Variants in SPAG9 observed in about 807,000 individuals in gnomAD.
The protein encoded by SPAG9 is sperm associated antigen 9.
Under a neutral mutation model 166.5 loss-of-function variants are expected in SPAG9, and 35 were observed. That is an observed-to-expected ratio of 0.21 (90% CI 0.16 to 0.28). The LOEUF (loss-of-function observed/expected upper bound fraction) is 0.28, where lower values mean the gene tolerates loss of function less well. SPAG9 is among the 10% of genes least tolerant of loss of function. SPAG9 has a pLI of 1.00. For synonymous variants in SPAG9, 534 were observed against 565.5 expected, an observed-to-expected ratio of 0.94 and a Z score of 0.79; for missense variants, 1,235 against 1,603.3, an observed-to-expected ratio of 0.77 and a Z score of 3.92.
At chr17:50,985,056 G>A in intron 23 of SPAG9, 66 bp from the exon 24 acceptor site, 3 of 1,438,758 alleles carry the variant, frequency 2.1e-6, no homozygotes, top group Non-Finnish European at 2.9e-6. Flanking sequence ...ACATGCTACT[G>A]AACTAGTTCA....
At chr17:51,104,119 A>C (rs2048876771) in intron 1 of SPAG9, among the ~76,000 whole-genome samples, 1 of 152,182 alleles carries the variant, frequency 6.6e-6, no homozygotes, top group African/African-American at 2.4e-5. Flanking sequence ...TCCTTCATGA[A>C]GATAGGGAAG....
intron 11 of SPAG9, 78 bp from the exon 12 acceptor site, chr17:51,005,341 ATT>A: frequency 7.7e-7 from 1 of 1,304,730 alleles, no homozygotes; most frequent in Non-Finnish European, 1.1e-6. Context: ...TAGGTCAACA[ATT>A]TTAACTACCA....
chr17:51,116,205 C>A (rs2049283761), intron 1 of SPAG9, among the ~76,000 whole-genome samples: 1 of 152,090 alleles, frequency 6.6e-6, no homozygotes, highest in Non-Finnish European at 1.5e-5. Context: ...ACCACCACAC[C>A]CAGATAATTT....
At chr17:50,972,124 G>A (rs1355708481) in intron 28 of SPAG9, among the ~76,000 whole-genome samples, 2 of 152,134 alleles carry the variant, frequency 1.3e-5, no homozygotes, top group East Asian at 3.8e-4. Context: ...TCAAACTCCT[G>A]GGCTCAAGTG....
chr17:51,008,193 G>A (rs1215700178), intron 9 of SPAG9, among the ~76,000 whole-genome samples: 1 of 152,168 alleles, frequency 6.6e-6, no homozygotes, highest in Non-Finnish European at 1.5e-5. Context: ...TCACTTGAGT[G>A]AATGTCTTTG....
chr17:51,005,767 C>A (rs2045189111), intron 11 of SPAG9, among the ~76,000 whole-genome samples: 1 of 152,224 alleles, frequency 6.6e-6, no homozygotes, highest in Admixed American at 6.5e-5. Flanking sequence ...AAGAGAATCG[C>A]TTGAACTCGG....
chr17:51,025,316 CAAAAAAAAAAAAAAAAAAA>C, intron 6 of SPAG9, among the ~76,000 whole-genome samples: 1 of 61,126 alleles, frequency 1.6e-5, no homozygotes, highest in Middle Eastern at 0.014. Context: ...GACTCTGTCT[CAAAAAAAAAAAAAAAAAAA>C]AAAAAAAAAA....
chr17:51,033,673 T>A (rs1234535926), intron 5 of SPAG9, among the ~76,000 whole-genome samples: 1 of 152,214 alleles, frequency 6.6e-6, no homozygotes, highest in Non-Finnish European at 1.5e-5. Flanking sequence ...AATAACTTTT[T>A]AAAAGAAATT....
chr17:51,006,351 A>G, intron 10 of SPAG9, 114 bp from the exon 11 acceptor site: 1 of 972,770 alleles, frequency 1.0e-6, no homozygotes, highest in East Asian at 2.5e-5. Flanking sequence ...TTAATACTTC[A>G]AGACATTCTA....
chr17:51,077,757 C>T (rs562947140), intron 2 of SPAG9, among the ~76,000 whole-genome samples: 14 of 152,050 alleles, frequency 9.2e-5, no homozygotes, highest in Non-Finnish European at 1.5e-4. Flanking sequence ...CTCAAGTGAT[C>T]CTCCCACCTC....
intron 6 of SPAG9, among the ~76,000 whole-genome samples, chr17:51,026,895 C>G (rs192255021): frequency 6.6e-6 from 1 of 151,848 alleles, no homozygotes; most frequent in Non-Finnish European, 1.5e-5. Flanking sequence ...AGGCTGGTCT[C>G]GAACTCCTGA....
chr17:51,119,181 T>C lies in SPAG9; in HGVS notation c.303+1173A>G, dbSNP rs893014777. On this transcript the variant is annotated intron_variant, in intron 1 of 29. Transcript: ENST00000262013. ...AGAACTATTTAACCAGATGCAAAGG[T>C]ATACGTGACAAAATAAAACAAAAAT... Among the ~76,000 whole-genome samples, 10 of 152,190 alleles carry C rather than the reference T, an allele frequency of 6.6e-5. No homozygotes were observed. In the South Asian group the frequency reaches 1.2e-3, roughly 19 times the overall value.
intron 2 of SPAG9, among the ~76,000 whole-genome samples, chr17:51,073,949 A>G (rs1402322098): frequency 6.8e-6 from 1 of 147,758 alleles, no homozygotes; most frequent in Non-Finnish European, 1.5e-5. Flanking sequence ...AAAAATACAA[A>G]AATTAGGCCG....
intron 1 of SPAG9, among the ~76,000 whole-genome samples, chr17:51,081,697 A>G (rs2048168924): frequency 6.6e-6 from 1 of 151,874 alleles, no homozygotes; most frequent in African/African-American, 2.4e-5. Flanking sequence ...AGCTGAGATC[A>G]CGCCATTGCA....
chr17:51,116,858 G>A (rs2049301983), intron 1 of SPAG9, among the ~76,000 whole-genome samples: 1 of 152,188 alleles, frequency 6.6e-6, no homozygotes, highest in Admixed American at 6.5e-5. Flanking sequence ...TGTTCTGGCT[G>A]AAAAAGTGAA....
rs866547433 is a variant in SPAG9 at position 51,083,266 on chromosome 17, G to A, written c.304-3562C>T. Reference sequence around the variant, plus strand: ...TTTTTCTTTTTTGAGACTGAGTTTCGCTGTGTCCCCCAGGCTGGAGTGCGC... The same window carrying A: ...TTTTTCTTTTTTGAGACTGAGTTTCACTGTGTCCCCCAGGCTGGAGTGCGC... On this transcript the variant is annotated intron_variant, in intron 1 of 29. Transcript: ENST00000262013. Among the ~76,000 whole-genome samples the A allele has an allele frequency of 6.4e-5, 9 of 141,150 alleles. No individual in the cohort carries two copies. In the South Asian group the frequency reaches 6.6e-4, roughly 10 times the overall value. 92.6% of individuals were successfully genotyped at this position (141,150 alleles called of 152,430 possible).
Position 51,120,710 on chromosome 17 carries a change from C to T in SPAG9, c.-54G>A. ...GGGCGTCGCCGGCAGAGGGGCGGCACCTGCCCGCACGGGACGGACCCGACT... is the reference window on the plus strand; with the variant it reads ...GGGCGTCGCCGGCAGAGGGGCGGCATCTGCCCGCACGGGACGGACCCGACT... On this transcript the variant is annotated 5_prime_UTR_variant, in exon 1 of 30. In the 5' UTR this introduces an upstream ATG that the reference lacks. Transcript: ENST00000262013. This position sits in a 1 kb window ranked among gnomAD's most constrained non-coding sequence, Gnocchi z 4.7. 6.8e-7 allele frequency: 1 copy of T among 1,464,690 alleles called. No individual in the cohort carries two copies. The highest frequency in any genetic ancestry group is 1.3e-5 in the South Asian group (1 of 77,340). 90.7% of individuals were successfully genotyped at this position (1,464,690 alleles called of 1,614,324 possible).
chr17:51,000,742 T>A (rs1039808738), intron 13 of SPAG9, among the ~76,000 whole-genome samples: 1 of 120,096 alleles, frequency 8.3e-6, no homozygotes. Flanking sequence ...AGACTCCATC[T>A]CAATAAATGA....
chr17:51,039,863 T>C (rs2046762399), intron 5 of SPAG9, among the ~76,000 whole-genome samples: 1 of 152,006 alleles, frequency 6.6e-6, no homozygotes, highest in African/African-American at 2.4e-5. Flanking sequence ...AAGTAGGCAA[T>C]TGAGAGATGA....
Sources: gnomAD v4.1 joint callset for allele counts (sites outside exome capture counted in the v4.1 genomes callset) on GRCh38, gnomAD v4.1.1 for gene constraint, Gnocchi (gnomAD v3.1) non-coding constraint, MANE v1.5 for transcripts, NCBI Gene and HGNC (gene_info 2026-07-23, HGNC 2026-07-21) for gene names.